The following PARD3B variants were observed in gnomAD, a reference collection of about 807,000 sequenced individuals.
The protein encoded by PARD3B is partitioning defective 3 homolog B.
Under a neutral mutation model 130.2 loss-of-function variants are expected in PARD3B, and 103 were observed. That is an observed-to-expected ratio of 0.79 (90% CI 0.67 to 0.93). The LOEUF (loss-of-function observed/expected upper bound fraction) is 0.93, where lower values mean the gene tolerates loss of function less well. Among genes scored for constraint, PARD3B ranks in the 40% least tolerant of loss-of-function variants. PARD3B has a pLI of 0.00. For missense variants in PARD3B, 1,609 were observed against 1,499.2 expected, an observed-to-expected ratio of 1.07 and a Z score of -1.21; for synonymous variants, 583 against 553.2, an observed-to-expected ratio of 1.05 and a Z score of -0.76.
chr2:205,211,490 C>G (rs1030690817), intron 15 of PARD3B, among the ~76,000 whole-genome samples: 3 of 151,870 alleles, frequency 2.0e-5, no homozygotes. Context: ...AGTGGAAATA[C>G]TCTCATGAAC....
intron 20 of PARD3B, among the ~76,000 whole-genome samples, chr2:205,479,292 C>A (rs1484288898): frequency 1.3e-5 from 2 of 152,172 alleles, no homozygotes; most frequent in Non-Finnish European, 2.9e-5. Flanking sequence ...TGCACACTTT[C>A]TTATTATCAC....
rs2045929537 is a variant in PARD3B, at chr2:205,393,599, A to G, written c.2631-7414A>G. Among the ~76,000 whole-genome samples, 3 of 152,236 alleles carry G rather than the reference A, an allele frequency of 2.0e-5. No homozygotes were observed. The South Asian group carries it at 6.2e-4, about 32-fold the overall frequency. ...CATAGCTAAGCAGCTATTTTGAACA[A>G]GAGTGAATGAACTTTTTCCTTGCCT... is the stretch of plus-strand genomic sequence containing the variant. On this transcript the variant is annotated intron_variant, in intron 18 of 22. Transcript: ENST00000406610.
intron 2 of PARD3B, among the ~76,000 whole-genome samples, chr2:204,897,359 A>G (rs886253195): frequency 1.3e-5 from 2 of 149,280 alleles, no homozygotes; most frequent in Non-Finnish European, 3.0e-5. Context: ...CGTAATAAAT[A>G]TAGAACTATT....
rs549156087 is a variant in PARD3B at position 204,938,297 on chromosome 2, C to T, written c.223-26855C>T. On this transcript the variant is annotated intron_variant, in intron 2 of 22. Coordinates refer to ENST00000406610, the MANE Select transcript of PARD3B (RefSeq NM_001302769.2). ...TGAGTTCTGGCCCCTGCATAGCTTACGCACTGTATTACAGCCACAATGGCT... is the reference window on the plus strand; with the variant it reads ...TGAGTTCTGGCCCCTGCATAGCTTATGCACTGTATTACAGCCACAATGGCT... Among the ~76,000 whole-genome samples the T allele has an allele frequency of 4.1e-4, 62 of 152,364 alleles. 1 individual carries two copies. The highest frequency in any genetic ancestry group is 1.4e-3 in the African/African-American group (57 of 41,590).
Position 205,210,519 on chromosome 2 carries a change from A to C in PARD3B, c.2140+17199A>C, listed in dbSNP as rs144713831. Among the ~76,000 whole-genome samples, 312 of 152,232 alleles carry C rather than the reference A, an allele frequency of 2.0e-3. 1 individual carries two copies. The highest frequency in any genetic ancestry group is 6.8e-3 in the African/African-American group (284 of 41,566). On this transcript the variant is annotated intron_variant, in intron 15 of 22. Coordinates refer to ENST00000406610, the MANE Select transcript of PARD3B (RefSeq NM_001302769.2). ...GTTGTTTCCAATTCTTCACTTCTAG[A>C]AACAGGAATGCATTGAGCCTGCTAG...
intron 2 of PARD3B, among the ~76,000 whole-genome samples, chr2:204,864,514 C>G (rs543865282): frequency 6.6e-6 from 1 of 152,144 alleles, no homozygotes; most frequent in South Asian, 2.1e-4. Flanking sequence ...CTCTCAGAAT[C>G]TTTCTTAGAA....
At chr2:205,404,803 C>T (rs1244528073) in intron 19 of PARD3B, among the ~76,000 whole-genome samples, 1 of 152,138 alleles carries the variant, frequency 6.6e-6, no homozygotes, top group Non-Finnish European at 1.5e-5. Flanking sequence ...CAGGAGCCAC[C>T]ATGCCCAGAC....
At chr2:205,312,567 T>A (rs1349015098) in intron 18 of PARD3B, among the ~76,000 whole-genome samples, 1 of 152,196 alleles carries the variant, frequency 6.6e-6, no homozygotes, top group East Asian at 1.9e-4. Context: ...TCCATGGTTA[T>A]CTACAATTAC....
chr2:205,197,032 G>GTGTGTGT (rs1398810056), intron 15 of PARD3B, among the ~76,000 whole-genome samples: 72 of 55,214 alleles, frequency 1.3e-3, no homozygotes, highest in Middle Eastern at 7.2e-3. Flanking sequence ...GTGGGGGGGG[G>GTGTGTGT]GTGTGTGTGT....
chr2:205,294,734 G>A (rs1464174440), intron 16 of PARD3B, among the ~76,000 whole-genome samples: 1 of 152,072 alleles, frequency 6.6e-6, no homozygotes, highest in Non-Finnish European at 1.5e-5. Flanking sequence ...AAAAGACCCT[G>A]GGATTTGTGA....
At chr2:205,527,915 A>G (rs970857204) in intron 21 of PARD3B, among the ~76,000 whole-genome samples, 1 of 152,134 alleles carries the variant, frequency 6.6e-6, no homozygotes, top group Admixed American at 6.5e-5. Flanking sequence ...ACATTTTTCA[A>G]TTAGCTGATG....
chr2:205,069,284 G>T (rs1446965373), intron 4 of PARD3B, among the ~76,000 whole-genome samples: 1 of 151,680 alleles, frequency 6.6e-6, no homozygotes, highest in African/African-American at 2.4e-5. Flanking sequence ...TTTTTTTCTG[G>T]TGCATTTTTC....
chr2:205,508,805 T>C (rs1222466603), intron 21 of PARD3B, among the ~76,000 whole-genome samples: 2 of 152,152 alleles, frequency 1.3e-5, no homozygotes, highest in African/African-American at 4.8e-5. Flanking sequence ...TGTCTATACA[T>C]TGCGTGGGTT....
At chr2:205,195,156 A>G (rs1430738065) in intron 15 of PARD3B, among the ~76,000 whole-genome samples, 1 of 152,114 alleles carries the variant, frequency 6.6e-6, no homozygotes, top group Non-Finnish European at 1.5e-5. Flanking sequence ...TTCTAAACTG[A>G]AATAGTCCTA....
chr2:205,380,603 A>T (rs1373942173), intron 18 of PARD3B, among the ~76,000 whole-genome samples: 4 of 17,938 alleles, frequency 2.2e-4, no homozygotes, highest in East Asian at 5.1e-3. Context: ...ATATATAAAG[A>T]ATATATATTA....
chr2:204,985,957 C>T (rs188230518), intron 3 of PARD3B, among the ~76,000 whole-genome samples: 7 of 151,800 alleles, frequency 4.6e-5, no homozygotes, highest in Admixed American at 1.3e-4. Flanking sequence ...AAAAGTTAGC[C>T]GGGCGTGATG....
chr2:205,549,914 A>AT (rs935704156), intron 21 of PARD3B, among the ~76,000 whole-genome samples: 2 of 152,066 alleles, frequency 1.3e-5, no homozygotes, highest in African/African-American at 2.4e-5. Context: ...TGCCGCCTAA[A>AT]TTTTTTTGTG....
intron 22 of PARD3B, among the ~76,000 whole-genome samples, chr2:205,593,434 A>G (rs954535157): frequency 6.6e-6 from 1 of 152,194 alleles, no homozygotes; most frequent in South Asian, 2.1e-4. Flanking sequence ...TAAAATTTCA[A>G]TGGGTATTTT....
At chr2:205,236,079 A>C (rs1179187372) in intron 15 of PARD3B, among the ~76,000 whole-genome samples, 1 of 152,328 alleles carries the variant, frequency 6.6e-6, no homozygotes, top group Non-Finnish European at 1.5e-5. Context: ...ATGCACAATA[A>C]ATTTGACAAC....
Sources: allele counts gnomAD v4.1 joint callset (sites outside exome capture counted in the v4.1 genomes callset), GRCh38; gene constraint gnomAD v4.1.1; transcripts MANE v1.5; gene names NCBI Gene and HGNC (gene_info 2026-07-23, HGNC 2026-07-21).